FOXN3: variants seen among roughly 807,000 people sequenced by gnomAD.
The protein encoded by FOXN3 is forkhead box N3.
FOXN3 carries 7 observed loss-of-function variants against 38.4 expected under a neutral mutation model. That is an observed-to-expected ratio of 0.18 (90% CI 0.10 to 0.34). The LOEUF is 0.34. Ranked by LOEUF, FOXN3 falls within the 10% of genes least tolerant of loss-of-function variation. FOXN3 has a pLI of 1.00. For missense variants in FOXN3, 456 were observed against 613.4 expected (o/e 0.74, Z 2.71); for synonymous variants, 230 against 242.2 (o/e 0.95, Z 0.47).
chr14:89,213,192 C>T (rs946133784), intron 4 of FOXN3, among the ~76,000 whole-genome samples: 1 of 152,194 alleles, frequency 6.6e-6, no homozygotes, highest in Non-Finnish European at 1.5e-5. Flanking sequence ...TACAGCATTG[C>T]CTGGAGACAA....
At chr14:89,217,508 C>CA (rs1322746899) in intron 4 of FOXN3, among the ~76,000 whole-genome samples, 1 of 152,162 alleles carries the variant, frequency 6.6e-6, no homozygotes, top group Non-Finnish European at 1.5e-5. Flanking sequence ...GCCAAAGACT[C>CA]AGAGTCCTGG....
intron 1 of FOXN3, among the ~76,000 whole-genome samples, chr14:89,454,356 G>A (rs910595749): frequency 6.6e-6 from 1 of 152,218 alleles, no homozygotes; most frequent in African/African-American, 2.4e-5. Flanking sequence ...AACAAAGAGA[G>A]TCCTCGCCAG....
chr14:89,606,545 G>C (rs182825115), intron 1 of FOXN3, among the ~76,000 whole-genome samples: 1 of 152,310 alleles, frequency 6.6e-6, no homozygotes, highest in Non-Finnish European at 1.5e-5. Flanking sequence ...TTTGGAGTGT[G>C]TGTAGTATAA....
chr14:89,214,270 T>A (rs1424489372), intron 4 of FOXN3, among the ~76,000 whole-genome samples: 1 of 152,188 alleles, frequency 6.6e-6, no homozygotes, highest in Non-Finnish European at 1.5e-5. Context: ...CATCCTCAGC[T>A]CCACCCGATG....
At chr14:89,389,394 C>A (rs1890874993) in intron 2 of FOXN3, among the ~76,000 whole-genome samples, 1 of 152,094 alleles carries the variant, frequency 6.6e-6, no homozygotes, top group South Asian at 2.1e-4. Context: ...ATTTCATGAA[C>A]ACCCTTTCAT....
intron 3 of FOXN3, among the ~76,000 whole-genome samples, chr14:89,331,857 C>T (rs1438598005): frequency 1.4e-5 from 2 of 146,010 alleles, no homozygotes; most frequent in African/African-American, 4.9e-5. Context: ...ACATTGATTT[C>T]ATAACCCATT....
At chr14:89,241,659 C>T (rs966934969) in intron 4 of FOXN3, among the ~76,000 whole-genome samples, 7 of 152,166 alleles carry the variant, frequency 4.6e-5, no homozygotes, top group African/African-American at 1.7e-4. Context: ...TCCCACTAGG[C>T]AACAGACAGT....
rs1364055532 is a variant in FOXN3, at chr14:89,161,632, C to T, written c.*782G>A. On this transcript the variant is annotated 3_prime_UTR_variant, in exon 6 of 6. Transcript: ENST00000557258. Reference sequence around the variant, plus strand: ...ACAGGGCCAATCTTCAGGCTTATGGCTTTTGGAACATTTTCTTAATTTAAT... The same window carrying T: ...ACAGGGCCAATCTTCAGGCTTATGGTTTTTGGAACATTTTCTTAATTTAAT... 1 of 148,648 alleles carries T rather than the reference C, an allele frequency of 6.7e-6. No individual in the cohort carries two copies. Among genetic ancestry groups the T allele is most frequent in the East Asian group, 2.0e-4 (1 of 5,030 alleles). 9.2% of individuals were successfully genotyped at this position (148,648 alleles called of 1,614,324 possible). A position where few individuals can be genotyped will look rare whatever the true frequency, so the allele number is the denominator to read the frequency against.
chr14:89,193,561 T>TG (rs1191859624), intron 4 of FOXN3, among the ~76,000 whole-genome samples: 2 of 152,026 alleles, frequency 1.3e-5, no homozygotes, highest in Non-Finnish European at 2.9e-5. Flanking sequence ...TCATCAAAGA[T>TG]GGGGTGTCAA....
At chr14:89,332,084 C>T (rs1436083193) in intron 3 of FOXN3, among the ~76,000 whole-genome samples, 1 of 152,166 alleles carries the variant, frequency 6.6e-6, no homozygotes, top group African/African-American at 2.4e-5. Context: ...GTCCTAACAA[C>T]CCCAGGAAGC....
chr14:89,318,494 G>A (rs989833943), intron 3 of FOXN3, among the ~76,000 whole-genome samples: 1 of 151,974 alleles, frequency 6.6e-6, no homozygotes, highest in Non-Finnish European at 1.5e-5. Flanking sequence ...TTCAGCAATT[G>A]GTTATTAAAA....
intron 2 of FOXN3, among the ~76,000 whole-genome samples, chr14:89,398,504 C>A (rs2896108): frequency 0.37 from 56,162 of 151,884 alleles, 13,013 homozygotes; most frequent in Admixed American, 0.52. Context: ...GAATTGCCAG[C>A]CCCCAATTTA....
At chr14:89,272,182 C>T (rs1459194840) in intron 4 of FOXN3, among the ~76,000 whole-genome samples, 4 of 152,016 alleles carry the variant, frequency 2.6e-5, no homozygotes, top group African/African-American at 4.8e-5. Context: ...TGTGGTGGCA[C>T]GCGTCTCTAA....
chr14:89,334,637 A>ATAAAG (rs59242302), intron 3 of FOXN3, among the ~76,000 whole-genome samples: 5 of 151,872 alleles, frequency 3.3e-5, no homozygotes, highest in Admixed American at 6.6e-5. Context: ...ATAAAATAAA[A>ATAAAG]GCCCTAGAGA....
intron 3 of FOXN3, among the ~76,000 whole-genome samples, chr14:89,281,574 C>A (rs549293796): frequency 6.6e-6 from 1 of 152,128 alleles, no homozygotes; most frequent in Non-Finnish European, 1.5e-5. Context: ...GCACTCCATA[C>A]CCTATAAAAC....
intron 1 of FOXN3, among the ~76,000 whole-genome samples, chr14:89,616,162 A>T (rs1896488398): frequency 6.7e-6 from 1 of 149,354 alleles, no homozygotes. Flanking sequence ...AATTTAGTAC[A>T]GGGCCTCTGG....
At position 89,161,134 on chromosome 14, in the gene FOXN3, T is replaced by C. The variant is rs980414239; in HGVS notation, c.*1280A>G. ...AGTTTGTTTTTGTGATTTTTTTCTC[T>C]TTTTCTTTTTTTTCTTCAAAGGAAT... On this transcript the variant is annotated 3_prime_UTR_variant, in exon 6 of 6. Transcript: ENST00000557258. The C allele has an allele frequency of 6.6e-6, 1 of 152,488 alleles. No individual in the cohort carries two copies. Among genetic ancestry groups the C allele is most frequent in the African/African-American group, 2.4e-5 (1 of 41,428 alleles). The allele number at this position is 152,488 out of a possible 1,614,324, so 9.4% of individuals were successfully genotyped here.
rs1887643579 is a variant in FOXN3 at position 89,180,692 on chromosome 14, C to T, written c.851+9G>A. On this transcript the variant is annotated intron_variant, in intron 5 of 5. Coordinates refer to ENST00000557258, the MANE Select transcript of FOXN3 (RefSeq NM_005197.4). The stretch of plus-strand genomic sequence containing the variant: ...CAGGCTGGCTCTGCCCAGCGCACTC[C>T]CCACTTACCTCATGGCCGCTGTCAC... The T allele has an allele frequency of 6.3e-7, 1 of 1,594,192 alleles. No individual in the cohort carries two copies. Among genetic ancestry groups the T allele is most frequent in the Non-Finnish European group, 8.6e-7 (1 of 1,168,050 alleles).
intron 4 of FOXN3, among the ~76,000 whole-genome samples, chr14:89,213,612 C>T (rs1264101145): frequency 6.6e-6 from 1 of 152,216 alleles, no homozygotes; most frequent in Non-Finnish European, 1.5e-5. Context: ...TTTTGGGAGA[C>T]AGCTGAAATA....
Sources: gnomAD v4.1 joint callset for allele counts (sites outside exome capture counted in the v4.1 genomes callset) on GRCh38, gnomAD v4.1.1 for gene constraint, MANE v1.5 for transcripts, NCBI Gene and HGNC (gene_info 2026-07-23, HGNC 2026-07-21) for gene names.